The following SORT1 variants were observed in gnomAD, a reference collection of about 807,000 sequenced individuals.
SORT1 encodes sortilin.
SORT1 carries 39 observed loss-of-function variants against 101.7 expected under a neutral mutation model. The observed-to-expected ratio is 0.38, with a 90% CI of 0.30 to 0.50. SORT1 has a LOEUF of 0.50. SORT1 is among the 20% of genes least tolerant of loss of function. SORT1 has a pLI of 0.90. For missense variants in SORT1, 878 were observed against 1,040.4 expected, an observed-to-expected ratio of 0.84 and a Z score of 2.15; for synonymous variants, 396 against 393.7, an observed-to-expected ratio of 1.01 and a Z score of -0.07.
At chr1:109,366,076 A>G (rs961757034) in intron 3 of SORT1, among the ~76,000 whole-genome samples, 4 of 152,216 alleles carry the variant, frequency 2.6e-5, no homozygotes, top group Admixed American at 6.5e-5. Flanking sequence ...TCTAGGGGAA[A>G]ATGAGACAGA....
intron 1 of SORT1, among the ~76,000 whole-genome samples, chr1:109,394,280 A>G (rs1269662740): frequency 6.6e-6 from 1 of 152,216 alleles, no homozygotes; most frequent in African/African-American, 2.4e-5. Context: ...ACTAGAAAGG[A>G]AAATGTTTTC....
At chr1:109,380,303 A>C (rs1652139384) in intron 1 of SORT1, among the ~76,000 whole-genome samples, 1 of 152,154 alleles carries the variant, frequency 6.6e-6, no homozygotes, top group Non-Finnish European at 1.5e-5. Flanking sequence ...AAAAAATGAT[A>C]CTAGAAGTAT....
chr1:109,340,576 AT>A, intron 10 of SORT1, 147 bp downstream of exon 10: 1 of 757,244 alleles, frequency 1.3e-6, no homozygotes, highest in Non-Finnish European at 2.1e-6. Context: ...TATTGCCACA[AT>A]AAAAAAAAAA....
At position 109,313,775 on chromosome 1, in the gene SORT1, A is replaced by C; in HGVS notation, c.*268T>G. 1 of 511,482 alleles carries C rather than the reference A, an allele frequency of 2.0e-6. No individual in the cohort carries two copies. Among genetic ancestry groups the C allele is most frequent in the Non-Finnish European group, 3.4e-6 (1 of 291,220 alleles). 31.7% of individuals were successfully genotyped at this position (511,482 alleles called of 1,614,324 possible). A position where few individuals can be genotyped will look rare whatever the true frequency, so the allele number is the denominator to read the frequency against. On this transcript the variant is annotated 3_prime_UTR_variant, in exon 20 of 20. Coordinates refer to ENST00000256637, the MANE Select transcript of SORT1 (RefSeq NM_002959.7). ...AAAAAACAAAAACAAAAAAGCCCATACTTTGCAAAGAGACAGGACGAGAAA... is the reference window on the plus strand; with the variant it reads ...AAAAAACAAAAACAAAAAAGCCCATCCTTTGCAAAGAGACAGGACGAGAAA...
chr1:109,382,749 A>G (rs1652321032), intron 1 of SORT1, among the ~76,000 whole-genome samples: 1 of 152,142 alleles, frequency 6.6e-6, no homozygotes, highest in Non-Finnish European at 1.5e-5. Context: ...TTGCCATCTG[A>G]CTGTCAAATA....
intron 12 of SORT1, 145 bp downstream of exon 12, chr1:109,327,354 G>T: frequency 1.4e-6 from 1 of 705,754 alleles, no homozygotes; most frequent in Non-Finnish European, 2.3e-6. Context: ...AAAACCCAAA[G>T]TGTTGTTATA....
intron 1 of SORT1, among the ~76,000 whole-genome samples, chr1:109,375,447 G>A (rs1475010625): frequency 6.8e-6 from 1 of 146,256 alleles, no homozygotes; most frequent in Non-Finnish European, 1.5e-5. Flanking sequence ...GGAGGCTGAG[G>A]CAGGAGAATG....
intron 1 of SORT1, among the ~76,000 whole-genome samples, chr1:109,381,765 G>A (rs147059052): frequency 1.6e-4 from 25 of 152,102 alleles, no homozygotes; most frequent in South Asian, 1.5e-3. Context: ...AGCACCTGTC[G>A]TCCCAGATAC....
chr1:109,390,497 C>G (rs760030604), intron 1 of SORT1, among the ~76,000 whole-genome samples: 10 of 152,096 alleles, frequency 6.6e-5, no homozygotes, highest in Non-Finnish European at 1.5e-4. Flanking sequence ...CATAATCACA[C>G]AGCTATGAAG....
chr1:109,364,461 T>C (rs1420754446), intron 3 of SORT1, among the ~76,000 whole-genome samples: 1 of 152,168 alleles, frequency 6.6e-6, no homozygotes, highest in Non-Finnish European at 1.5e-5. Context: ...GACACAAATA[T>C]GTATGATACT....
intron 1 of SORT1, among the ~76,000 whole-genome samples, chr1:109,387,051 G>A (rs962369688): frequency 6.6e-6 from 1 of 152,224 alleles, no homozygotes; most frequent in African/African-American, 2.4e-5. Context: ...AGCACTTTGG[G>A]AGGCTGAGGC....
intron 1 of SORT1, among the ~76,000 whole-genome samples, chr1:109,376,341 A>AAG (rs1228080757): frequency 1.3e-5 from 2 of 151,524 alleles, no homozygotes; most frequent in African/African-American, 4.8e-5. Context: ...AAAAAAAAAA[A>AAG]AAAAAAAAGG....
intron 7 of SORT1, among the ~76,000 whole-genome samples, 174 bp from the exon 8 acceptor site, chr1:109,346,055 T>TA (rs1290496108): frequency 6.6e-6 from 1 of 152,182 alleles, no homozygotes; most frequent in Non-Finnish European, 1.5e-5. Context: ...CTCATGCCTG[T>TA]AATCCCAGCA....
At chr1:109,347,188 T>C (rs956809331) in intron 7 of SORT1, among the ~76,000 whole-genome samples, 14 of 152,262 alleles carry the variant, frequency 9.2e-5, no homozygotes, top group African/African-American at 3.4e-4. Context: ...TGCTTTCCTG[T>C]AGAAATAACC....
intron 1 of SORT1, among the ~76,000 whole-genome samples, chr1:109,373,192 ACTGGCTTACTGCCT>A (rs1473965529): frequency 4.6e-5 from 7 of 152,158 alleles, no homozygotes; most frequent in African/African-American, 1.7e-4. Flanking sequence ...CCTACAGCTA[ACTGGCTTACTGCCT>A]GGAGAGAATT....
intron 3 of SORT1, among the ~76,000 whole-genome samples, chr1:109,355,771 C>T: frequency 6.6e-6 from 1 of 151,908 alleles, no homozygotes; most frequent in South Asian, 2.1e-4. Context: ...CACACTGCCT[C>T]CCACTTATGA....
chr1:109,344,693 C>T (rs1422601206), intron 8 of SORT1, among the ~76,000 whole-genome samples: 1 of 152,116 alleles, frequency 6.6e-6, no homozygotes, highest in East Asian at 1.9e-4. Context: ...TACACACACA[C>T]TCACATTTAT....
chr1:109,386,556 A>G (rs1373359643), intron 1 of SORT1, among the ~76,000 whole-genome samples: 2 of 152,208 alleles, frequency 1.3e-5, no homozygotes, highest in Non-Finnish European at 2.9e-5. Context: ...AGTAGGTTAA[A>G]TAAATATGCA....
intron 17 of SORT1, 96 bp downstream of exon 17, chr1:109,316,754 T>C (rs1011545898): frequency 5.0e-6 from 4 of 801,518 alleles, no homozygotes; most frequent in Non-Finnish European, 8.2e-6. Flanking sequence ...GACCACTTTT[T>C]ATCAGTAACA....
Sources: gnomAD v4.1 joint callset for allele counts (sites outside exome capture counted in the v4.1 genomes callset) on GRCh38, gnomAD v4.1.1 for gene constraint, MANE v1.5 for transcripts, NCBI Gene and HGNC (gene_info 2026-07-23, HGNC 2026-07-21) for gene names.